Variants in TRAFD1 observed in about 807,000 individuals in gnomAD.
TRAFD1 encodes the protein TRAF-type zinc finger domain-containing protein 1.
Under a neutral mutation model 65.3 loss-of-function variants are expected in TRAFD1, and 38 were observed. That is an observed-to-expected ratio of 0.58 (90% CI 0.45 to 0.76). The LOEUF (loss-of-function observed/expected upper bound fraction) is 0.76, where lower values mean the gene tolerates loss of function less well. Ranked by LOEUF, TRAFD1 falls within the 30% of genes least tolerant of loss-of-function variation. The pLI is 0.00. For missense variants in TRAFD1, 631 were observed against 712.6 expected, an observed-to-expected ratio of 0.89 and a Z score of 1.30; for synonymous variants, 223 against 257.2, an observed-to-expected ratio of 0.87 and a Z score of 1.27.
chr12:112,140,800 T>C lies in TRAFD1; in HGVS notation c.238-19T>C. 1 of 1,611,776 alleles carries C rather than the reference T, an allele frequency of 6.2e-7. No homozygotes were observed. On this transcript the variant is annotated intron_variant, in intron 4 of 11. Transcript: ENST00000412615. ...CTCCTAGATATGCATATTAACTGCC[T>C]CATTCCTCTGTTTTGTAGGAGACTG...
At chr12:112,145,931 A>C (rs2030228633) in intron 7 of TRAFD1, among the ~76,000 whole-genome samples, 1 of 150,576 alleles carries the variant, frequency 6.6e-6, no homozygotes, top group South Asian at 2.1e-4. Flanking sequence ...AAAAAACCAA[A>C]CACCACATGT....
chr12:112,150,599 C>T (rs1037663648), intron 9 of TRAFD1, among the ~76,000 whole-genome samples: 3 of 151,996 alleles, frequency 2.0e-5, no homozygotes, highest in African/African-American at 4.8e-5. Flanking sequence ...TCTTTGTCAT[C>T]CAGGCTGGAG....
rs766136608 is a variant in TRAFD1 at position 112,152,041 on chromosome 12, C to G, written c.1520C>G (p.Ala507Gly). Reference protein sequence around the residue: ...RNRDSQNGAIAPGHVSVIRPP... With the variant: ...RNRDSQNGAIGPGHVSVIRPP... Reference sequence around the variant, plus strand: ...CGAGACAGCCAGAATGGGGCCATAGCCCCTGGGCACGTTTCAGTGATTCGC... The same window carrying G: ...CGAGACAGCCAGAATGGGGCCATAGGCCCTGGGCACGTTTCAGTGATTCGC... Residue 507 changes from alanine to glycine, a missense_variant, in exon 10 of 12, where the codon GCC (alanine) becomes GGC (glycine). Coordinates refer to ENST00000412615, the MANE Select transcript of TRAFD1 (RefSeq NM_006700.3). The surrounding 1 kb of genome is among the most constrained non-coding windows in gnomAD (Gnocchi z 5.0). The G allele has an allele frequency of 6.2e-7, 1 of 1,614,238 alleles. No homozygotes were observed. The highest frequency in any genetic ancestry group is 8.5e-7 in the Non-Finnish European group (1 of 1,180,046).
Position 112,149,849 on chromosome 12 carries a change from C to T in TRAFD1, c.1257C>T (p.Pro419=), listed in dbSNP as rs374232152. The part of the protein sequence containing the change: ...SQPQETSPEL[P]RRRVRHQGDL... ...CTCAAGAGACCTCACCAGAGCTGCC[C>T]AGGAGGCGTGTCAGACACCAGGGTA... The change falls in exon 9 of 12, where the codon CCC becomes CCT. Residue 419 remains proline (P), a synonymous_variant. Transcript: ENST00000412615. 1.7e-5 allele frequency: 27 copies of T among 1,614,120 alleles called. No homozygotes were observed. Among genetic ancestry groups the T allele is most frequent in the Non-Finnish European group, 2.2e-5 (26 of 1,179,998 alleles).
rs1282277277 is a variant in TRAFD1, at chr12:112,130,948, G to A, written c.47+379G>A. 6.6e-6 allele frequency among the ~76,000 whole-genome samples: 1 copy of A among 152,144 alleles called. No homozygotes were observed. The highest frequency in any genetic ancestry group is 1.9e-4 in the East Asian group (1 of 5,204). ...TGCTATGTTTACCTTAGCAAACTGT[G>A]GTAGAAAGAGATGTGGAATAAGGAA... On this transcript the variant is annotated intron_variant, in intron 2 of 11. Coordinates refer to ENST00000412615, the MANE Select transcript of TRAFD1 (RefSeq NM_006700.3). This position sits in a 1 kb window ranked among gnomAD's most constrained non-coding sequence, Gnocchi z 4.4.
chr12:112,130,627 A>G lies in TRAFD1; in HGVS notation c.47+58A>G, dbSNP rs1444010373. The G allele has an allele frequency of 2.7e-6, 4 of 1,477,098 alleles. No individual in the cohort carries two copies. The highest frequency in any genetic ancestry group is 2.8e-5 in the African/African-American group (2 of 72,032). 91.5% of individuals were successfully genotyped at this position (1,477,098 alleles called of 1,614,324 possible). A position where few individuals can be genotyped will look rare whatever the true frequency, so the allele number is the denominator to read the frequency against. On this transcript the variant is annotated intron_variant, in intron 2 of 11. Transcript: ENST00000412615. The surrounding 1 kb of genome is among the most constrained non-coding windows in gnomAD (Gnocchi z 4.4). ...ATGAGGACAGTCAAGCTTAATCACT[A>G]TCATTTCCTGATTTAAAAACTGTTA...
intron 9 of TRAFD1, among the ~76,000 whole-genome samples, chr12:112,151,094 C>T (rs182077360): frequency 5.3e-5 from 8 of 151,674 alleles, no homozygotes; most frequent in African/African-American, 1.5e-4. Flanking sequence ...AAAAATTAGC[C>T]GGGCGTGGTG....
At chr12:112,128,163 C>T (rs1391340711) in intron 1 of TRAFD1, among the ~76,000 whole-genome samples, 2 of 151,946 alleles carry the variant, frequency 1.3e-5, no homozygotes, top group Admixed American at 6.6e-5. Context: ...GGACTACAGG[C>T]ACCCGGCTAA....
chr12:112,149,819 C>T lies in TRAFD1; in HGVS notation c.1227C>T (p.Ser409=), dbSNP rs1219207389. 1.9e-6 allele frequency: 3 copies of T among 1,614,048 alleles called. No individual in the cohort carries two copies. The highest frequency in any genetic ancestry group is 1.3e-5 in the African/African-American group (1 of 74,918). The change falls in exon 9 of 12, where the codon TCC becomes TCT. Residue 409 remains serine, a synonymous_variant. Transcript: ENST00000412615. ...CAGAGGGGATTCCTAGACTGGATTC[C>T]CAGCCTCAAGAGACCTCACCAGAGC... is the stretch of plus-strand genomic sequence containing the variant. ...HVTEGIPRLD[S]QPQETSPELP...
In TRAFD1 at chr12:112,149,823, C is replaced by A. The variant is rs1318644419; in HGVS notation, c.1231C>A (p.Pro411Thr). The A allele has an allele frequency of 6.2e-7, 1 of 1,614,204 alleles. No individual in the cohort carries two copies. ...GGGGATTCCTAGACTGGATTCCCAG[C>A]CTCAAGAGACCTCACCAGAGCTGCC... ...TEGIPRLDSQ[P>T]QETSPELPRR... Residue 411 changes from proline (P) to threonine (T), a missense_variant, in exon 9 of 12, where the codon CCT becomes ACT. Physicochemically the swap from Pro to Thr is conservative, Grantham distance 38. Coordinates refer to ENST00000412615, the MANE Select transcript of TRAFD1 (RefSeq NM_006700.3).
At chr12:112,135,809 A>G (rs2079596454) in intron 4 of TRAFD1, among the ~76,000 whole-genome samples, 1 of 151,584 alleles carries the variant, frequency 6.6e-6, no homozygotes, top group Non-Finnish European at 1.5e-5. Context: ...GCTAGTTGAG[A>G]TAAAACTGGC....
rs1254286997 is a variant in TRAFD1, at chr12:112,153,511, C to G, written c.*720C>G. 6.6e-6 allele frequency: 1 copy of G among 152,204 alleles called. No homozygotes were observed. The highest frequency in any genetic ancestry group is 2.4e-5 in the African/African-American group (1 of 41,452). 9.4% of individuals were successfully genotyped at this position (152,204 alleles called of 1,614,324 possible). ...CCAGCCCCACACTTGCTCTGAAAAC[C>G]AAGTGTCAGAGCCCCTTCCCCTTGT... On this transcript the variant is annotated 3_prime_UTR_variant, in exon 12 of 12. Coordinates refer to ENST00000412615, the MANE Select transcript of TRAFD1 (RefSeq NM_006700.3).
At chr12:112,147,951 G>A (rs756189235) in intron 7 of TRAFD1, 123 bp from the exon 8 acceptor site, 158 of 869,554 alleles carry the variant, frequency 1.8e-4, no homozygotes, top group Middle Eastern at 3.0e-4. Flanking sequence ...TTACAGGCGT[G>A]AGCCACCGCG....
At chr12:112,144,936 C>A (rs770105471) in intron 6 of TRAFD1, among the ~76,000 whole-genome samples, 97 of 152,266 alleles carry the variant, frequency 6.4e-4, no homozygotes, top group Non-Finnish European at 1.2e-3. Flanking sequence ...ACTGTGACCC[C>A]AAACCTATGT....
chr12:112,127,777 T>C (rs927181505), intron 1 of TRAFD1, among the ~76,000 whole-genome samples: 4 of 151,926 alleles, frequency 2.6e-5, no homozygotes, highest in African/African-American at 9.7e-5. Context: ...GGTTTCACCA[T>C]GTTAGGCAGG....
chr12:112,134,897 T>A, intron 3 of TRAFD1, 24 bp downstream of exon 3: 1 of 1,611,462 alleles, frequency 6.2e-7, no homozygotes, highest in Non-Finnish European at 8.5e-7. Context: ...TACTCAAATG[T>A]TTATACATGT....
chr12:112,152,707 G>T lies in TRAFD1; in HGVS notation c.1693-28G>T. On this transcript the variant is annotated intron_variant, in intron 11 of 11. Coordinates refer to ENST00000412615, the MANE Select transcript of TRAFD1 (RefSeq NM_006700.3). This position sits in a 1 kb window ranked among gnomAD's most constrained non-coding sequence, Gnocchi z 5.0. Reference sequence around the variant, plus strand: ...AATGCTTTTTCACTTTTTATGTAAAGCTTCGTTTGTGTTGTGTTGTTCACC... The same window carrying T: ...AATGCTTTTTCACTTTTTATGTAAATCTTCGTTTGTGTTGTGTTGTTCACC... The T allele has an allele frequency of 1.2e-6, 2 of 1,614,102 alleles. No homozygotes were observed. Among genetic ancestry groups the T allele is most frequent in the Non-Finnish European group, 1.7e-6 (2 of 1,180,022 alleles).
chr12:112,136,624 A>ATGTGT (rs1304223129), intron 4 of TRAFD1, among the ~76,000 whole-genome samples: 3 of 151,958 alleles, frequency 2.0e-5, no homozygotes, highest in Non-Finnish European at 4.4e-5. Context: ...TAAGAGACAC[A>ATGTGT]GTCTCACTCT....
chr12:112,127,676 T>C (rs2079547122), intron 1 of TRAFD1, among the ~76,000 whole-genome samples: 1 of 151,264 alleles, frequency 6.6e-6, no homozygotes, highest in South Asian at 2.1e-4. Context: ...TTGTTTTTTG[T>C]TTTTTTTGAG....
Sources: allele counts gnomAD v4.1 joint callset (sites outside exome capture counted in the v4.1 genomes callset), GRCh38; gene constraint gnomAD v4.1.1; non-coding constraint Gnocchi (gnomAD v3.1); transcripts MANE v1.5; gene names NCBI Gene and HGNC (gene_info 2026-07-23, HGNC 2026-07-21).